Variants in SLC25A37 observed in about 807,000 individuals in gnomAD.
SLC25A37 encodes the protein solute carrier family 25 member 37.
In SLC25A37, 17 loss-of-function variants were observed where a neutral mutation model predicts 31.0. The ratio of observed to expected loss-of-function variants is 0.55; its 90% CI spans 0.38 to 0.82. The LOEUF (loss-of-function observed/expected upper bound fraction) is 0.82. SLC25A37 is among the 40% of genes least tolerant of loss of function. The probability of loss-of-function intolerance (pLI) is 0.00; values close to 1 mark genes in which losing one functional copy is unlikely to be tolerated. For missense variants in SLC25A37, 404 were observed against 465.8 expected, an observed-to-expected ratio of 0.87 and a Z score of 1.22; for synonymous variants, 222 against 193.0, an observed-to-expected ratio of 1.15 and a Z score of -1.24.
intron 1 of SLC25A37, among the ~76,000 whole-genome samples, chr8:23,541,250 G>C (rs147426513): frequency 6.6e-6 from 1 of 152,208 alleles, no homozygotes; most frequent in African/African-American, 2.4e-5. Context: ...GTGTACCCAG[G>C]GCTGTTAGTT....
intron 1 of SLC25A37, among the ~76,000 whole-genome samples, chr8:23,551,582 GA>G (rs60130811): frequency 0.015 from 2,078 of 141,214 alleles, 34 homozygotes; most frequent in African/African-American, 0.043. Context: ...TTATCCAAAG[GA>G]AAAAAAAAAA....
chr8:23,553,021 A>G (rs1168795802), intron 1 of SLC25A37, among the ~76,000 whole-genome samples: 1 of 152,242 alleles, frequency 6.6e-6, no homozygotes, highest in Non-Finnish European at 1.5e-5. Context: ...ATCTCCCCAC[A>G]CATGGGTTGA....
chr8:23,553,563 C>A (rs1193637666), intron 1 of SLC25A37, among the ~76,000 whole-genome samples: 1 of 152,188 alleles, frequency 6.6e-6, no homozygotes, highest in Admixed American at 6.5e-5. Flanking sequence ...GGTAGTCTAG[C>A]TTACTAGCAG....
chr8:23,570,640 C>T (rs1263707625), intron 3 of SLC25A37, among the ~76,000 whole-genome samples: 1 of 152,138 alleles, frequency 6.6e-6, no homozygotes, highest in Admixed American at 6.5e-5. Context: ...CTCTCTTTCT[C>T]CTTGTCATAA....
At chr8:23,550,043 C>T (rs1480060722) in intron 1 of SLC25A37, among the ~76,000 whole-genome samples, 1 of 136,880 alleles carries the variant, frequency 7.3e-6, no homozygotes, top group Non-Finnish European at 1.5e-5. Context: ...TAGTTGGGTG[C>T]GGTGGCACAT....
intron 1 of SLC25A37, among the ~76,000 whole-genome samples, chr8:23,541,110 G>A (rs1801883346): frequency 6.6e-6 from 1 of 152,000 alleles, no homozygotes; most frequent in East Asian, 1.9e-4. Context: ...CGCCCATTTG[G>A]CTGGCTAATG....
At chr8:23,535,358 G>A (rs6995492) in intron 1 of SLC25A37, among the ~76,000 whole-genome samples, 3,314 of 152,258 alleles carry the variant, frequency 0.022, 90 homozygotes, top group African/African-American at 0.065. Context: ...CCTCAGCCTG[G>A]CATCTTGCTT....
chr8:23,560,804 G>A (rs1802496196), intron 1 of SLC25A37, among the ~76,000 whole-genome samples: 1 of 152,222 alleles, frequency 6.6e-6, no homozygotes, highest in African/African-American at 2.4e-5. Context: ...GGTTGAGGAT[G>A]CACCGGGGAA....
Position 23,528,972 on chromosome 8 carries a change from T to C in SLC25A37, c.-31T>C, listed in dbSNP as rs760219754. The C allele has an allele frequency of 1.4e-4, 199 of 1,447,306 alleles. 1 individual carries two copies. Among genetic ancestry groups the C allele is most frequent in the Non-Finnish European group, 1.4e-4 (151 of 1,098,176 alleles). 89.7% of individuals were successfully genotyped at this position (1,447,306 alleles called of 1,614,324 possible). ...CCCCTCCCCCTCCCTGCCCACCTCC[T>C]GCAGCCTCCTGCGCCCCGCCGAGCT... is the stretch of plus-strand genomic sequence containing the variant. On this transcript the variant is annotated 5_prime_UTR_variant, in exon 1 of 4. Coordinates refer to ENST00000519973, the MANE Select transcript of SLC25A37 (RefSeq NM_016612.4).
In SLC25A37 at chr8:23,573,890, C is replaced by T. The variant is rs1400961511; in HGVS notation, c.*2035C>T. 6 of 456,318 alleles carry T rather than the reference C, an allele frequency of 1.3e-5. 1 individual carries two copies. The highest frequency in any genetic ancestry group is 3.1e-5 in the South Asian group (2 of 64,550). 28.3% of individuals were successfully genotyped at this position (456,318 alleles called of 1,614,324 possible). ...GGGATGTAGAAAGCCGTAAAGTCCA[C>T]GCTACTGTTGAAAATGTTTACATCT... On this transcript the variant is annotated 3_prime_UTR_variant, in exon 4 of 4. Coordinates refer to ENST00000519973, the MANE Select transcript of SLC25A37 (RefSeq NM_016612.4).
chr8:23,569,329 A>G (rs1802755983), intron 3 of SLC25A37, among the ~76,000 whole-genome samples: 1 of 152,084 alleles, frequency 6.6e-6, no homozygotes. Flanking sequence ...GAATCCCTGG[A>G]GCTAGGGACC....
At chr8:23,552,096 T>G (rs1802243008) in intron 1 of SLC25A37, among the ~76,000 whole-genome samples, 1 of 152,210 alleles carries the variant, frequency 6.6e-6, no homozygotes, top group East Asian at 1.9e-4. Flanking sequence ...TATCAGCAAG[T>G]AGAGAAAAAC....
At chr8:23,570,166 G>T (rs1802782672) in intron 3 of SLC25A37, among the ~76,000 whole-genome samples, 1 of 152,090 alleles carries the variant, frequency 6.6e-6, no homozygotes, top group South Asian at 2.1e-4. Flanking sequence ...CATTCCCCTT[G>T]ATTTCTTTAT....
intron 1 of SLC25A37, among the ~76,000 whole-genome samples, chr8:23,558,486 C>T (rs1237651622): frequency 6.6e-6 from 1 of 152,170 alleles, no homozygotes; most frequent in African/African-American, 2.4e-5. Flanking sequence ...TACATGATCC[C>T]GCCAGCTCAC....
rs2117429218 is a variant in SLC25A37 at position 23,555,070 on chromosome 8, T to G, written c.211-11038T>G. Among the ~76,000 whole-genome samples, 2 of 152,196 alleles carry G rather than the reference T, an allele frequency of 1.3e-5. 1 individual carries two copies. On this transcript the variant is annotated intron_variant, in intron 1 of 3. Transcript: ENST00000519973. ...TAATTGATCATCTAAGGTGGCAGCT[T>G]CTCTCCTAAGTCTGAGGCTGCTTCT...
intron 1 of SLC25A37, among the ~76,000 whole-genome samples, chr8:23,538,419 A>G (rs1285476508): frequency 6.6e-6 from 1 of 150,956 alleles, no homozygotes; most frequent in Non-Finnish European, 1.5e-5. Flanking sequence ...AGAAAAAAAA[A>G]CTTGCCATTA....
At chr8:23,547,837 ACGG>A in intron 1 of SLC25A37, among the ~76,000 whole-genome samples, 1 of 152,228 alleles carries the variant, frequency 6.6e-6, no homozygotes, top group Admixed American at 6.5e-5. Flanking sequence ...GAAATGCTGA[ACGG>A]CCACAGCCCC....
At chr8:23,563,348 G>C (rs1802565423) in intron 1 of SLC25A37, among the ~76,000 whole-genome samples, 1 of 152,088 alleles carries the variant, frequency 6.6e-6, no homozygotes, top group South Asian at 2.1e-4. Context: ...CGCCATGCCT[G>C]GCTAATTTCT....
At chr8:23,534,621 GA>G (rs1424767218) in intron 1 of SLC25A37, among the ~76,000 whole-genome samples, 1 of 152,112 alleles carries the variant, frequency 6.6e-6, no homozygotes, top group Non-Finnish European at 1.5e-5. Flanking sequence ...TAAGGGTTGG[GA>G]GCATGGACCC....
Sources: allele counts gnomAD v4.1 joint callset (sites outside exome capture counted in the v4.1 genomes callset), GRCh38; gene constraint gnomAD v4.1.1; transcripts MANE v1.5; gene names NCBI Gene and HGNC (gene_info 2026-07-23, HGNC 2026-07-21).